SYN3: variants seen among roughly 807,000 people sequenced by gnomAD.
SYN3 encodes synapsin-3.
Under a neutral mutation model 65.8 loss-of-function variants are expected in SYN3, and 35 were observed. That is an observed-to-expected ratio of 0.53 (90% CI 0.41 to 0.70). The LOEUF is 0.70. Among genes scored for constraint, SYN3 ranks in the 30% least tolerant of loss-of-function variants. The pLI, the probability that SYN3 is intolerant of heterozygous loss-of-function variation, is 0.00. For synonymous variants in SYN3, 270 were observed against 292.9 expected (o/e 0.92, Z 0.80); for missense variants, 680 against 749.0 (o/e 0.91, Z 1.08).
At chr22:32,835,673 G>A (rs2146161043) in intron 6 of SYN3, among the ~76,000 whole-genome samples, 1 of 152,204 alleles carries the variant, frequency 6.6e-6, no homozygotes, top group Admixed American at 6.5e-5. Flanking sequence ...ATACTTGTTC[G>A]CCCCTTGCCA....
intron 6 of SYN3, among the ~76,000 whole-genome samples, chr22:32,764,115 T>C (rs918642064): frequency 6.6e-6 from 1 of 152,040 alleles, no homozygotes; most frequent in Admixed American, 6.5e-5. Flanking sequence ...TTTTTGTATA[T>C]ACTTTTTAGT....
At chr22:32,535,785 G>GA (rs566555253) in intron 9 of SYN3, among the ~76,000 whole-genome samples, 22 of 152,078 alleles carry the variant, frequency 1.4e-4, no homozygotes, top group Non-Finnish European at 2.6e-4. Flanking sequence ...GAGAATCGGG[G>GA]GGGGGGCCCT....
chr22:32,673,219 C>T (rs979467550), intron 6 of SYN3, among the ~76,000 whole-genome samples: 3 of 152,168 alleles, frequency 2.0e-5, no homozygotes, highest in African/African-American at 4.8e-5. Context: ...AAGGGGGATG[C>T]TCTATGGAGC....
At chr22:32,922,046 C>T (rs1036186654) in intron 4 of SYN3, among the ~76,000 whole-genome samples, 1 of 152,220 alleles carries the variant, frequency 6.6e-6, no homozygotes, top group African/African-American at 2.4e-5. Context: ...ATGATGGGCA[C>T]TTAGCACAGC....
Position 32,663,307 on chromosome 22 carries a change from C to CTCTT in SYN3, c.712-66572_712-66571insAAGA, listed in dbSNP as rs36044326. Reference sequence around the variant, plus strand: ...ACTTGTTTTTCTTTTCTTTTCTTCTCTTTTTTTTTTTTTTTGAGTCTCACT... The same window carrying CTCTT: ...ACTTGTTTTTCTTTTCTTTTCTTCTCTCTTTTTTTTTTTTTTTTTGAGTCTCACT... On this transcript the variant is annotated intron_variant, in intron 6 of 13. Coordinates refer to ENST00000358763, the MANE Select transcript of SYN3 (RefSeq NM_003490.4). Among the ~76,000 whole-genome samples the CTCTT allele has an allele frequency of 2.3e-3, 328 of 142,584 alleles. 1 individual carries two copies. Among genetic ancestry groups the CTCTT allele is most frequent in the East Asian group, 2.9e-3 (14 of 4,904 alleles). 93.5% of individuals were successfully genotyped at this position (142,584 alleles called of 152,430 possible).
At chr22:32,534,253 T>TG (rs990211214) in intron 9 of SYN3, among the ~76,000 whole-genome samples, 2 of 152,062 alleles carry the variant, frequency 1.3e-5, no homozygotes, top group African/African-American at 4.8e-5. Context: ...TCTGCAGTAA[T>TG]GGGGAGCTTG....
intron 3 of SYN3, among the ~76,000 whole-genome samples, chr22:32,960,322 C>A (rs968377533): frequency 2.6e-5 from 4 of 152,196 alleles, no homozygotes; most frequent in African/African-American, 7.2e-5. Flanking sequence ...AGGCACCAGG[C>A]AACTAGGGAC....
intron 4 of SYN3, among the ~76,000 whole-genome samples, chr22:32,887,613 CT>C (rs2049329606): frequency 6.6e-6 from 1 of 152,150 alleles, no homozygotes; most frequent in South Asian, 2.1e-4. Flanking sequence ...CCCCCACAAA[CT>C]GTGAGATAAT....
intron 6 of SYN3, among the ~76,000 whole-genome samples, chr22:32,600,354 C>T (rs528931528): frequency 1.3e-5 from 2 of 150,110 alleles, no homozygotes; most frequent in African/African-American, 5.0e-5. Context: ...CTCAGGCGGT[C>T]GTGCGAGTGA....
In SYN3 at chr22:32,640,176, G is replaced by A. The variant is rs1573664; in HGVS notation, c.712-43440C>T. On this transcript the variant is annotated intron_variant, in intron 6 of 13. Transcript: ENST00000358763. ...ACTGAGGCCTCACCTCCTCCAGGAA[G>A]CCTTCCTTGGTACCCCACAAATCAC... 2.9e-3 allele frequency among the ~76,000 whole-genome samples: 441 copies of A among 152,244 alleles called. 3 individuals are homozygous for A. Among genetic ancestry groups the A allele is most frequent in the African/African-American group, 9.9e-3 (411 of 41,542 alleles).
At chr22:32,988,346 T>TAATAATAATAATAAA (rs1050273077) in intron 2 of SYN3, among the ~76,000 whole-genome samples, 7 of 136,070 alleles carry the variant, frequency 5.1e-5, no homozygotes, top group Admixed American at 2.9e-4. Context: ...ATAATAATAA[T>TAATAATAATAATAAA]AAAATAAATA....
chr22:32,965,854 C>A (rs949662460), intron 3 of SYN3, among the ~76,000 whole-genome samples: 12 of 152,022 alleles, frequency 7.9e-5, no homozygotes, highest in African/African-American at 2.7e-4. Flanking sequence ...GCCACCACAC[C>A]CGGCTAATTT....
At chr22:32,667,563 G>C (rs976734542) in intron 6 of SYN3, among the ~76,000 whole-genome samples, 9 of 152,088 alleles carry the variant, frequency 5.9e-5, no homozygotes, top group African/African-American at 1.9e-4. Context: ...CCTTAAAGTG[G>C]GTTGCTGGGT....
intron 6 of SYN3, among the ~76,000 whole-genome samples, chr22:32,790,415 T>TTTA (rs1229582783): frequency 2.6e-5 from 3 of 115,010 alleles, no homozygotes; most frequent in African/African-American, 1.1e-4. Context: ...ACTTTATTTA[T>TTTA]TTATTTATTT....
chr22:32,682,812 A>C (rs1332025868), intron 6 of SYN3, among the ~76,000 whole-genome samples: 1 of 152,206 alleles, frequency 6.6e-6, no homozygotes, highest in African/African-American at 2.4e-5. Flanking sequence ...TGCCCTTGTA[A>C]AGGCACACGA....
chr22:32,838,998 T>C (rs113259867), intron 6 of SYN3, among the ~76,000 whole-genome samples: 17 of 151,584 alleles, frequency 1.1e-4, no homozygotes, highest in African/African-American at 3.9e-4. Flanking sequence ...TAGCTTGGCC[T>C]GGGGTGGACA....
intron 4 of SYN3, among the ~76,000 whole-genome samples, chr22:32,904,187 T>C (rs1447257293): frequency 6.6e-6 from 1 of 152,222 alleles, no homozygotes; most frequent in Non-Finnish European, 1.5e-5. Context: ...GGTATCCCCA[T>C]CTGGACTACA....
chr22:32,523,595 C>A (rs1346914096), intron 12 of SYN3, among the ~76,000 whole-genome samples: 1 of 152,170 alleles, frequency 6.6e-6, no homozygotes, highest in African/African-American at 2.4e-5. Context: ...CATTTACCAG[C>A]CATTTCCCTA....
chr22:32,606,794 C>CT (rs1237656387), intron 6 of SYN3, among the ~76,000 whole-genome samples: 1 of 145,194 alleles, frequency 6.9e-6, no homozygotes, highest in Non-Finnish European at 1.5e-5. Flanking sequence ...TCAGCCAACT[C>CT]TTTATTTTTT....
Sources: allele counts gnomAD v4.1 joint callset (sites outside exome capture counted in the v4.1 genomes callset), GRCh38; gene constraint gnomAD v4.1.1; transcripts MANE v1.5; gene names NCBI Gene and HGNC (gene_info 2026-07-23, HGNC 2026-07-21).